The following INPP5J variants were observed in gnomAD, a reference collection of about 807,000 sequenced individuals.
INPP5J encodes phosphatidylinositol 4,5-bisphosphate 5-phosphatase A.
INPP5J carries 75 observed loss-of-function variants against 86.6 expected under a neutral mutation model. That is an observed-to-expected ratio of 0.87 (90% CI 0.72 to 1.05). The LOEUF is 1.05. Among genes scored for constraint, INPP5J ranks in the 50% least tolerant of loss-of-function variants. The pLI, the probability that INPP5J is intolerant of heterozygous loss-of-function variation, is 0.00. For synonymous variants in INPP5J, 540 were observed against 550.0 expected, an observed-to-expected ratio of 0.98 and a Z score of 0.25; for missense variants, 1,229 against 1,341.2, an observed-to-expected ratio of 0.92 and a Z score of 1.31.
In INPP5J at chr22:31,134,199, G is replaced by A. The variant is rs1356336983; in HGVS notation, c.2801G>A (p.Arg934Gln). 8 of 1,549,944 alleles carry A rather than the reference G, an allele frequency of 5.2e-6. No homozygotes were observed. The highest frequency in any genetic ancestry group is 2.7e-5 in the African/African-American group (2 of 73,154). The change falls in exon 13 of 13, where the codon CGG becomes CAG. Residue 934 changes from arginine to glutamine, a missense_variant. Physicochemically the swap from Arg to Gln is conservative, Grantham distance 43. Transcript: ENST00000331075. ...GACAGGAGCAGTAATGGCAGCAGCCGGGGCAGTAGTGAAGAGGGGCCCTCT... is the reference window on the plus strand; with the variant it reads ...GACAGGAGCAGTAATGGCAGCAGCCAGGGCAGTAGTGAAGAGGGGCCCTCT... The part of the protein sequence containing the change: ...APDRSSNGSS[R>Q]GSSEEGPSGL...
rs899367960 is a variant in INPP5J, at chr22:31,129,341, A to G, written c.2193+687A>G. Among the ~76,000 whole-genome samples the G allele has an allele frequency of 4.7e-5, 7 of 147,730 alleles. No homozygotes were observed. The Admixed American group carries it at 4.8e-4, about 10-fold the overall frequency. ...CTGCAACCACCATCTCCTGGGTCCA[A>G]GCGATTCTCCCGTCTCAGCCTCCCA... is the stretch of plus-strand genomic sequence containing the variant. On this transcript the variant is annotated intron_variant, in intron 9 of 12. Coordinates refer to ENST00000331075, the MANE Select transcript of INPP5J (RefSeq NM_001284285.2).
At position 31,125,369 on chromosome 22, in the gene INPP5J, G is replaced by T. The variant is rs1338988310; in HGVS notation, c.630G>T (p.Leu210=). 2.6e-6 allele frequency: 4 copies of T among 1,550,520 alleles called. No individual in the cohort carries two copies. In the South Asian group the frequency reaches 3.6e-5, roughly 14 times the overall value. Residue 210 remains leucine (L), a synonymous_variant, in exon 2 of 13, where the codon CTG becomes CTT. Coordinates refer to ENST00000331075, the MANE Select transcript of INPP5J (RefSeq NM_001284285.2). ...STPSPVPSPV[L]SPTQEQALAP... is the part of the protein sequence containing the mutation. The stretch of plus-strand genomic sequence containing the variant: ...CTTCCCCGGTGCCCAGTCCAGTTCT[G>T]TCTCCAACTCAGGAACAGGCCCTGG...
At position 31,127,965 on chromosome 22, in the gene INPP5J, T is replaced by C. The variant is rs1329267922; in HGVS notation, c.1802T>C (p.Phe601Ser). The C allele has an allele frequency of 6.4e-7, 1 of 1,570,768 alleles. No individual in the cohort carries two copies. Residue 601 changes from phenylalanine to serine, a missense_variant, in exon 7 of 13, where the codon TTC becomes TCC. Coordinates refer to ENST00000331075, the MANE Select transcript of INPP5J (RefSeq NM_001284285.2). ...ACCCCAAACAGCCTCGTGTTCTGGT[T>C]CGGGGACCTGAACTTCCGCATTGAG... is the stretch of plus-strand genomic sequence containing the variant. ...GILDHDLVFWFGDLNFRIESY... is the reference protein window; with the variant it reads ...GILDHDLVFWSGDLNFRIESY...
rs762024423 is a variant in INPP5J, at chr22:31,125,648, C to A, written c.909C>A (p.Thr303=). 2.6e-5 allele frequency: 41 copies of A among 1,550,504 alleles called. No individual in the cohort carries two copies. The highest frequency in any genetic ancestry group is 3.4e-5 in the Non-Finnish European group (39 of 1,147,016). Residue 303 remains threonine, a synonymous_variant, in exon 2 of 13, where the codon ACC becomes ACA. Coordinates refer to ENST00000331075, the MANE Select transcript of INPP5J (RefSeq NM_001284285.2). ...CTGTTTTGCCACGGCCACCCCAGAC[C>A]TTGCCCTTGGATGTGGGCCAGGGTC... is the stretch of plus-strand genomic sequence containing the variant. ...EDPVLPRPPQ[T]LPLDVGQGPS... is the part of the protein sequence containing the mutation.
rs1390414693 is a variant in INPP5J, at chr22:31,125,637, C to T, written c.898C>T (p.Pro300Ser). 1.2e-5 allele frequency: 19 copies of T among 1,550,556 alleles called. No individual in the cohort carries two copies. The highest frequency in any genetic ancestry group is 1.4e-5 in the Non-Finnish European group (16 of 1,146,988). Residue 300 changes from proline (P) to serine (S), a missense_variant, in exon 2 of 13, where the codon CCA (proline) becomes TCA (serine). Coordinates refer to ENST00000331075, the MANE Select transcript of INPP5J (RefSeq NM_001284285.2). ...CCCTGAGGATCCTGTTTTGCCACGG[C>T]CACCCCAGACCTTGCCCTTGGATGT... is the stretch of plus-strand genomic sequence containing the variant. ...SSPEDPVLPR[P>S]PQTLPLDVGQ...
At chr22:31,124,352 G>A (rs3747152) in intron 1 of INPP5J, 309,923 of 966,604 alleles carry the variant, frequency 0.32, 50,752 homozygotes, top group East Asian at 0.56. Context: ...ATGAAGGAAG[G>A]GAGAGGTATT....
chr22:31,126,305 G>A, intron 2 of INPP5J, 71 bp from the exon 3 acceptor site: 4 of 1,289,558 alleles, frequency 3.1e-6, no homozygotes, highest in Non-Finnish European at 4.4e-6. Context: ...TCCCCAGGGA[G>A]TCCTGTGAAA....
chr22:31,126,064 C>A, intron 2 of INPP5J, 54 bp downstream of exon 2: 2 of 1,454,774 alleles, frequency 1.4e-6, no homozygotes, highest in African/African-American at 1.4e-5. Context: ...TGAGGTTAGC[C>A]ATTCTTCCAG....
chr22:31,127,535 A>G lies in INPP5J; in HGVS notation c.1787+3A>G, dbSNP rs566440484. 3 of 1,611,260 alleles carry G rather than the reference A, an allele frequency of 1.9e-6. No individual in the cohort carries two copies. Among genetic ancestry groups the G allele is most frequent in the South Asian group, 2.2e-5 (2 of 90,624 alleles). ...GCACAGGGCATCCTGGATCATGAGT[A>G]TGGGCTGGGGTGGGGCCAAATAGAG... On this transcript the variant is annotated splice_donor_region_variant and intron_variant, in intron 6 of 12. Coordinates refer to ENST00000331075, the MANE Select transcript of INPP5J (RefSeq NM_001284285.2).
intron 1 of INPP5J, 71 bp from the exon 2 acceptor site, chr22:31,124,774 G>A: frequency 7.5e-7 from 1 of 1,328,484 alleles, no homozygotes; most frequent in Non-Finnish European, 1.0e-6. Flanking sequence ...ACTCTGCCAG[G>A]GTCTATATGG....
rs1569291464 is a variant in INPP5J at position 31,134,198 on chromosome 22, C to T, written c.2800C>T (p.Arg934Trp). ...TGACAGGAGCAGTAATGGCAGCAGC[C>T]GGGGCAGTAGTGAAGAGGGGCCCTC... is the stretch of plus-strand genomic sequence containing the variant. ...APDRSSNGSSRGSSEEGPSGL... is the reference protein window; with the variant it reads ...APDRSSNGSSWGSSEEGPSGL... Residue 934 changes from arginine to tryptophan, a missense_variant, in exon 13 of 13, where the codon CGG (arginine) becomes TGG (tryptophan). Transcript: ENST00000331075. 14 of 1,549,812 alleles carry T rather than the reference C, an allele frequency of 9.0e-6. No homozygotes were observed. The highest frequency in any genetic ancestry group is 2.4e-5 in the East Asian group (1 of 40,914).
At chr22:31,122,875 G>A (rs773519369), upstream of INPP5J, 19 of 565,088 alleles carry the variant, frequency 3.4e-5, no homozygotes, top group Non-Finnish European at 5.2e-5. Flanking sequence ...ACCTTGCTTC[G>A]GCCTCTTCCA....
In INPP5J at chr22:31,126,388, C is replaced by A; in HGVS notation, c.1284C>A (p.Val428=). 1.2e-6 allele frequency: 2 copies of A among 1,613,372 alleles called. No individual in the cohort carries two copies. The highest frequency in any genetic ancestry group is 2.2e-5 in the South Asian group (2 of 90,996). The change falls in exon 3 of 13, where the codon GTC becomes GTA. Residue 428 remains valine, a synonymous_variant. Transcript: ENST00000331075. ...KSDPGFRITV[V]TWNVGTAMPP... is the part of the protein sequence containing the mutation. ...CCCCTGCCCTCAGGATCACTGTGGT[C>A]ACATGGAACGTGGGCACTGCCATGC...
At chr22:31,127,074 T>C (rs1233417276) in intron 5 of INPP5J, 37 bp downstream of exon 5, 3 of 1,389,452 alleles carry the variant, frequency 2.2e-6, no homozygotes, top group Non-Finnish European at 3.0e-6. Context: ...GGATGGGACA[T>C]GAAGGGGGCT....
intron 8 of INPP5J, 74 bp downstream of exon 8, chr22:31,128,397 G>A (rs982645716): frequency 6.3e-7 from 1 of 1,577,712 alleles, no homozygotes; most frequent in African/African-American, 1.4e-5. Flanking sequence ...TTGGGAAGAG[G>A]GGCAGGAGGC....
chr22:31,125,072 G>A lies in INPP5J; in HGVS notation c.333G>A (p.Val111=), dbSNP rs1178648796. Residue 111 remains valine, a synonymous_variant, in exon 2 of 13, where the codon GTG becomes GTA. Coordinates refer to ENST00000331075, the MANE Select transcript of INPP5J (RefSeq NM_001284285.2). ...GCTCCAGCCTGGCCCCAACATCTGTGGGCCAGCTGGTGATGTCTGCCTCAG... is the reference window on the plus strand; with the variant it reads ...GCTCCAGCCTGGCCCCAACATCTGTAGGCCAGCTGGTGATGTCTGCCTCAG... ...HRSSSLAPTS[V]GQLVMSASAG... is the part of the protein sequence containing the mutation. 6.5e-7 allele frequency: 1 copy of A among 1,549,620 alleles called. No individual in the cohort carries two copies. Among genetic ancestry groups the A allele is most frequent in the African/African-American group, 1.4e-5 (1 of 73,036 alleles).
chr22:31,128,356 G>C (rs1212498253), intron 8 of INPP5J, 33 bp downstream of exon 8: 3 of 1,564,564 alleles, frequency 1.9e-6, no homozygotes, highest in Non-Finnish European at 2.6e-6. Flanking sequence ...CTGAGGGGAA[G>C]TGGGCTGAGG....
chr22:31,124,188 C>A, intron 1 of INPP5J: 2 of 908,092 alleles, frequency 2.2e-6, no homozygotes, highest in Non-Finnish European at 2.6e-6. Flanking sequence ...CCTAAGGTCA[C>A]ACAGAGCTGG....
At chr22:31,130,506 C>G (rs1014659332) in intron 9 of INPP5J, among the ~76,000 whole-genome samples, 9 of 149,568 alleles carry the variant, frequency 6.0e-5, no homozygotes, top group Non-Finnish European at 1.0e-4. Flanking sequence ...AGAGCAAGAC[C>G]TTGTCTCAAA....
Sources: gnomAD v4.1 joint callset for allele counts (sites outside exome capture counted in the v4.1 genomes callset) on GRCh38, gnomAD v4.1.1 for gene constraint, MANE v1.5 for transcripts, NCBI Gene and HGNC (gene_info 2026-07-23, HGNC 2026-07-21) for gene names.